ADGRA3: variants seen among roughly 807,000 people sequenced by gnomAD.
ADGRA3 encodes the protein G-protein coupled receptor 125.
A neutral mutation model predicts 119.8 loss-of-function variants in ADGRA3; 56 were observed. The ratio of observed to expected loss-of-function variants is 0.47; its 90% CI spans 0.38 to 0.58. The LOEUF (loss-of-function observed/expected upper bound fraction) is 0.58, where lower values mean the gene tolerates loss of function less well. Ranked by LOEUF, ADGRA3 falls within the 20% of genes least tolerant of loss-of-function variation. The pLI, the probability that ADGRA3 is intolerant of heterozygous loss-of-function variation, is 0.00. For missense variants in ADGRA3, 1,516 were observed against 1,649.0 expected, an observed-to-expected ratio of 0.92 and a Z score of 1.40; for synonymous variants, 607 against 623.8, an observed-to-expected ratio of 0.97 and a Z score of 0.40.
intron 10 of ADGRA3, among the ~76,000 whole-genome samples, chr4:22,432,423 A>T (rs1716220328): frequency 1.2e-5 from 1 of 81,580 alleles, no homozygotes; most frequent in African/African-American, 3.4e-5. Context: ...GGCAAGTAAG[A>T]TCAAGAAAAA....
At chr4:22,410,540 A>G (rs1715149625) in intron 14 of ADGRA3, among the ~76,000 whole-genome samples, 1 of 152,182 alleles carries the variant, frequency 6.6e-6, no homozygotes, top group African/African-American at 2.4e-5. Context: ...AGTTTTATGG[A>G]CTATATCCCA....
intron 1 of ADGRA3, among the ~76,000 whole-genome samples, chr4:22,485,343 C>A (rs940511876): frequency 3.9e-5 from 6 of 152,180 alleles, no homozygotes; most frequent in African/African-American, 1.4e-4. Flanking sequence ...GTGTGAGCCA[C>A]CATACCCGGC....
chr4:22,409,600 C>G (rs1302694867), intron 14 of ADGRA3, among the ~76,000 whole-genome samples: 1 of 152,090 alleles, frequency 6.6e-6, no homozygotes, highest in East Asian at 1.9e-4. Flanking sequence ...AGCTGAGTAA[C>G]TGAATGTATA....
chr4:22,413,295 C>A lies in ADGRA3; in HGVS notation c.2119G>T (p.Asp707Tyr). Residue 707 changes from aspartate to tyrosine, a missense_variant, in exon 14 of 19, where the codon GAT becomes TAT. Physicochemically the swap from Asp to Tyr is radical, Grantham distance 160 (BLOSUM62 -3). Transcript: ENST00000334304. The part of the protein sequence containing the change: ...ADAVAARWDF[D>Y]LLNGQGGWKS... ...CAGCCTCCTTGTCCGTTCAGCAAAT[C>A]GAAATCCCACCGGGCTGCAACAGCA... The A allele has an allele frequency of 1.9e-6, 3 of 1,614,064 alleles. No individual in the cohort carries two copies. The South Asian group carries it at 3.3e-5, about 18-fold the overall frequency.
At chr4:22,515,259 C>G (rs757575253) in intron 1 of ADGRA3, 3 of 289,424 alleles carry the variant, frequency 1.0e-5, no homozygotes, top group Non-Finnish European at 1.9e-5. Context: ...CCCAAAAGCG[C>G]TGCGCCGGGG....
At chr4:22,412,633 TA>T (rs1230164984) in intron 14 of ADGRA3, among the ~76,000 whole-genome samples, 4 of 152,172 alleles carry the variant, frequency 2.6e-5, no homozygotes, top group Non-Finnish European at 5.9e-5. Flanking sequence ...TAATTAGTGT[TA>T]ACAACGGCAA....
Position 22,467,556 on chromosome 4 carries a change from G to A in ADGRA3, c.330-5748C>T, listed in dbSNP as rs1459820240. ...GGAACTGAGTTAGTTAGCTAAAGCA[G>A]TACATCAATTTGGAGTCAATGATGA... On this transcript the variant is annotated intron_variant, in intron 2 of 18. Coordinates refer to ENST00000334304, the MANE Select transcript of ADGRA3 (RefSeq NM_145290.4). Among the ~76,000 whole-genome samples the A allele has an allele frequency of 7.2e-5, 11 of 152,140 alleles. No homozygotes were observed. The East Asian group carries it at 2.1e-3, about 29-fold the overall frequency.
At chr4:22,461,054 T>C (rs1211369669) in intron 3 of ADGRA3, among the ~76,000 whole-genome samples, 2 of 152,224 alleles carry the variant, frequency 1.3e-5, no homozygotes, top group Admixed American at 6.5e-5. Flanking sequence ...AAAATTGTAA[T>C]ATATAGATAC....
intron 12 of ADGRA3, 171 bp from the exon 13 acceptor site, chr4:22,413,985 C>A: frequency 3.8e-6 from 2 of 526,760 alleles, no homozygotes; most frequent in Non-Finnish European, 3.3e-6. Context: ...AATGTCAACA[C>A]CACATAACAT....
intron 14 of ADGRA3, among the ~76,000 whole-genome samples, chr4:22,403,614 G>A (rs568610135): frequency 1.3e-5 from 2 of 152,018 alleles, no homozygotes; most frequent in African/African-American, 2.4e-5. Flanking sequence ...GGTGGTGTGC[G>A]CCTGTAGTTC....
chr4:22,505,835 C>T (rs567231189), intron 1 of ADGRA3, among the ~76,000 whole-genome samples: 2 of 151,876 alleles, frequency 1.3e-5, no homozygotes, highest in African/African-American at 2.4e-5. Flanking sequence ...GGAAGAGGTA[C>T]AAGACTAAGA....
At chr4:22,463,742 G>C (rs1717558715) in intron 2 of ADGRA3, among the ~76,000 whole-genome samples, 1 of 152,186 alleles carries the variant, frequency 6.6e-6, no homozygotes, top group African/African-American at 2.4e-5. Flanking sequence ...TTACTAGTTG[G>C]ATTCCCCAGA....
intron 1 of ADGRA3, among the ~76,000 whole-genome samples, chr4:22,506,356 C>T (rs1026719845): frequency 1.3e-4 from 20 of 152,066 alleles, no homozygotes; most frequent in African/African-American, 4.8e-4. Flanking sequence ...AGTTCAAGAC[C>T]AACCTAGCCA....
At chr4:22,418,787 G>C (rs888335926) in intron 12 of ADGRA3, among the ~76,000 whole-genome samples, 1 of 152,092 alleles carries the variant, frequency 6.6e-6, no homozygotes, top group African/African-American at 2.4e-5. Flanking sequence ...AAGGCTCCCA[G>C]AGGCCTCCTG....
chr4:22,459,494 G>T (rs1347963528), intron 3 of ADGRA3, among the ~76,000 whole-genome samples: 2 of 151,910 alleles, frequency 1.3e-5, no homozygotes, highest in African/African-American at 4.8e-5. Context: ...TAAAGAAATA[G>T]GTTTTAAACG....
At chr4:22,450,623 A>G (rs917105339) in intron 4 of ADGRA3, among the ~76,000 whole-genome samples, 2 of 152,140 alleles carry the variant, frequency 1.3e-5, no homozygotes, top group Non-Finnish European at 2.9e-5. Flanking sequence ...TGCTAAATAG[A>G]TAACATTTGA....
chr4:22,435,622 A>C (rs1390100120), intron 9 of ADGRA3, among the ~76,000 whole-genome samples, 156 bp from the exon 10 acceptor site: 1 of 152,184 alleles, frequency 6.6e-6, no homozygotes, highest in Non-Finnish European at 1.5e-5. Context: ...CAAACCCAAG[A>C]AAACTGGAAT....
chr4:22,505,523 T>C (rs543460116), intron 1 of ADGRA3, among the ~76,000 whole-genome samples: 10 of 151,662 alleles, frequency 6.6e-5, no homozygotes, highest in South Asian at 6.3e-4. Flanking sequence ...GGTGGGCGCC[T>C]GTAATCCCAG....
intron 1 of ADGRA3, among the ~76,000 whole-genome samples, chr4:22,493,714 A>C (rs73802836): frequency 0.015 from 2,285 of 152,304 alleles, 62 homozygotes; most frequent in African/African-American, 0.051. Flanking sequence ...CGTGAACCAG[A>C]GCAAGTCCAT....
Sources: allele counts gnomAD v4.1 joint callset (sites outside exome capture counted in the v4.1 genomes callset), GRCh38; gene constraint gnomAD v4.1.1; transcripts MANE v1.5; gene names NCBI Gene and HGNC (gene_info 2026-07-23, HGNC 2026-07-21).